Variants in DCHS1 observed in about 807,000 individuals in gnomAD.
The protein encoded by DCHS1 is protocadherin-16.
A neutral mutation model predicts 213.9 loss-of-function variants in DCHS1; 78 were observed. The observed-to-expected ratio is 0.36, with a 90% confidence interval of 0.30 to 0.44. DCHS1 has a LOEUF of 0.44. Ranked by LOEUF, DCHS1 falls within the 20% of genes least tolerant of loss-of-function variation. The pLI, the probability that DCHS1 is intolerant of heterozygous loss-of-function variation, is 1.00. For synonymous variants in DCHS1, 1,828 were observed against 1,873.7 expected (o/e 0.98, Z 0.63); for missense variants, 3,946 against 4,395.9 (o/e 0.90, Z 2.89).
chr11:6,626,296 C>T lies in DCHS1; in HGVS notation c.6449G>A (p.Gly2150Glu). 1 of 1,613,366 alleles carries T rather than the reference C, an allele frequency of 6.2e-7. No individual in the cohort carries two copies. The highest frequency in any genetic ancestry group is 1.1e-5 in the South Asian group (1 of 90,896). ...LRLVLQAESG[G>E]AFAFTVLTLT... is the part of the protein sequence containing the mutation. The stretch of plus-strand genomic sequence containing the variant: ...GGTCAGCACAGTGAAGGCAAAGGCT[C>T]CTCCACTCTCTGCCTGCAGCACCAG... Residue 2150 changes from glycine (G) to glutamate (E), a missense_variant, in exon 16 of 21, where the codon GGA becomes GAA. By Grantham distance (98) the Gly-to-Glu change is moderately conservative (BLOSUM62 -2). Coordinates refer to ENST00000299441, the MANE Select transcript of DCHS1 (RefSeq NM_003737.4). This position sits in a 1 kb window ranked among gnomAD's most constrained non-coding sequence, Gnocchi z 5.2.
chr11:6,634,355 G>C, intron 2 of DCHS1, 49 bp from the exon 3 acceptor site: 1 of 1,519,546 alleles, frequency 6.6e-7, no homozygotes, highest in South Asian at 1.3e-5. Context: ...TGCCAGAAAA[G>C]CCAGAGGTAG....
Position 6,651,912 on chromosome 11 carries a change from G to T in DCHS1, c.-121+3651C>A, listed in dbSNP as rs565134301. On this transcript the variant is annotated intron_variant, in intron 1 of 20. Coordinates refer to ENST00000299441, the MANE Select transcript of DCHS1 (RefSeq NM_003737.4). The stretch of plus-strand genomic sequence containing the variant: ...CTATACAGTAAAGAGCAGGCATGCA[G>T]CAGGTATGCAGAAATGTGGCCTAGA... Among the ~76,000 whole-genome samples the T allele has an allele frequency of 9.2e-5, 14 of 152,352 alleles. No individual in the cohort carries two copies. In the South Asian group the frequency reaches 2.9e-3, roughly 32 times the overall value.
In DCHS1 at chr11:6,621,793, C is replaced by T; in HGVS notation, c.9883G>A (p.Glu3295Lys). 1.9e-6 allele frequency: 3 copies of T among 1,589,470 alleles called. No individual in the cohort carries two copies. The highest frequency in any genetic ancestry group is 2.6e-6 in the Non-Finnish European group (3 of 1,168,492). ...CTGGGCCACAGCTAGATGTGCAGCT[C>T]CGTGTCATCAGGTGGCTCCAGGCCA... is the stretch of plus-strand genomic sequence containing the variant. ...ESGLEPPDDT[E>K]LHI Residue 3295 changes from glutamate to lysine, a missense_variant, in exon 21 of 21, where the codon GAG becomes AAG. Around this residue, in one of 3 missense-constraint regions of DCHS1, gnomAD observed 554 missense variants for 590.2 expected, o/e 0.94. Transcript: ENST00000299441.
rs1430318803 is a variant in DCHS1, at chr11:6,630,116, G to T, written c.4678C>A (p.Pro1560Thr). ...ACCACGTGCAGGGCCGCGGGCCCAG[G>T]CGGCTGGTCCTCTGGGAGGCGCACG... ...SRVRLPEDQPPGPAALHVVAR... is the reference protein window; with the variant it reads ...SRVRLPEDQPTGPAALHVVAR... Residue 1560 changes from proline to threonine, a missense_variant, in exon 10 of 21, where the codon CCT becomes ACT. By Grantham distance (38) the Pro-to-Thr change is conservative (BLOSUM62 -1). Around this residue, in one of 3 missense-constraint regions of DCHS1, gnomAD observed 3,384 missense variants for 3,780.1 expected, o/e 0.90. Coordinates refer to ENST00000299441, the MANE Select transcript of DCHS1 (RefSeq NM_003737.4). 2 of 1,604,384 alleles carry T rather than the reference G, an allele frequency of 1.2e-6. No homozygotes were observed. Among genetic ancestry groups the T allele is most frequent in the African/African-American group, 1.3e-5 (1 of 74,646 alleles).
In DCHS1 at chr11:6,623,345, G is replaced by A. The variant is rs375741388; in HGVS notation, c.8331C>T (p.His2777=). 8.8e-6 allele frequency: 14 copies of A among 1,596,314 alleles called. No individual in the cohort carries two copies. The South Asian group carries it at 1.6e-4, about 18-fold the overall frequency. Residue 2777 remains histidine (H), a synonymous_variant, in exon 21 of 21, where the codon CAC becomes CAT. Transcript: ENST00000299441. The part of the protein sequence containing the change: ...LRARVPFDYE[H]TESFRLLVGA... The stretch of plus-strand genomic sequence containing the variant: ...CCACCAGCAGCCGGAAGCTTTCTGT[G>A]TGCTCATAGTCAAAGGGCACTCGCG...
chr11:6,645,551 T>C (rs749600787), intron 1 of DCHS1, among the ~76,000 whole-genome samples: 1 of 152,244 alleles, frequency 6.6e-6, no homozygotes, highest in Non-Finnish European at 1.5e-5. Flanking sequence ...CATCTTTGTA[T>C]GTAGCATGGA....
In DCHS1 at chr11:6,631,152, A is replaced by G. The variant is rs746306266; in HGVS notation, c.3831T>C (p.Ala1277=). Residue 1277 remains alanine, a synonymous_variant, in exon 9 of 21, where the codon GCT becomes GCC. Coordinates refer to ENST00000299441, the MANE Select transcript of DCHS1 (RefSeq NM_003737.4). ...GGGGCCGCTCTGCTCGGATCAGGGG[A>G]GCTGCAGTGAGCAGCTCCCCTGAGT... ...HPHSGELLTA[A]PLIRAERPHY... The G allele has an allele frequency of 6.2e-7, 1 of 1,611,556 alleles. No homozygotes were observed. Among genetic ancestry groups the G allele is most frequent in the Non-Finnish European group, 8.5e-7 (1 of 1,178,552 alleles).
At chr11:6,644,793 C>A (rs1452627303) in intron 1 of DCHS1, among the ~76,000 whole-genome samples, 1 of 152,238 alleles carries the variant, frequency 6.6e-6, no homozygotes, top group East Asian at 1.9e-4. Context: ...ACAACACACA[C>A]AAACACATGT....
chr11:6,653,926 G>C (rs1444316692), intron 1 of DCHS1, among the ~76,000 whole-genome samples: 1 of 152,200 alleles, frequency 6.6e-6, no homozygotes, highest in Non-Finnish European at 1.5e-5. Context: ...TGTGGGTAGA[G>C]AGAGGAATGC....
Position 6,624,064 on chromosome 11 carries a change from C to G in DCHS1, c.7612G>C (p.Ala2538Pro). Residue 2538 changes from alanine (A) to proline (P), a missense_variant, in exon 21 of 21, where the codon GCT becomes CCT. Physicochemically the swap from Ala to Pro is conservative, Grantham distance 27. Coordinates refer to ENST00000299441, the MANE Select transcript of DCHS1 (RefSeq NM_003737.4). ...GGTCCAGCACTCTCCCCAGCCTCAG[C>G]CAGCCTGGGTTCCAGCTGGAAGACT... The part of the protein sequence containing the change: ...GRVFQLEPRL[A>P]EAGESAGPGP... 2 of 1,613,154 alleles carry G rather than the reference C, an allele frequency of 1.2e-6. No homozygotes were observed. The highest frequency in any genetic ancestry group is 1.7e-6 in the Non-Finnish European group (2 of 1,179,662).
rs1589952837 is a variant in DCHS1, at chr11:6,624,047, A to G, written c.7629T>C (p.Ser2543=). Reference sequence around the variant, plus strand: ...CCAGTGCCCGGGGGCCTGGTCCAGCACTCTCCCCAGCCTCAGCCAGCCTGG... The same window carrying G: ...CCAGTGCCCGGGGGCCTGGTCCAGCGCTCTCCCCAGCCTCAGCCAGCCTGG... ...LEPRLAEAGE[S]AGPGPRALGC... Residue 2543 remains serine (S), a synonymous_variant, in exon 21 of 21, where the codon AGT becomes AGC. Coordinates refer to ENST00000299441, the MANE Select transcript of DCHS1 (RefSeq NM_003737.4). 1 of 1,612,918 alleles carries G rather than the reference A, an allele frequency of 6.2e-7. No homozygotes were observed. The highest frequency in any genetic ancestry group is 1.3e-5 in the African/African-American group (1 of 74,820).
chr11:6,626,819 C>T lies in DCHS1; in HGVS notation c.6220G>A (p.Glu2074Lys), dbSNP rs746676860. The T allele has an allele frequency of 5.0e-6, 8 of 1,613,036 alleles. No individual in the cohort carries two copies. In the East Asian group the frequency reaches 1.8e-4, roughly 36 times the overall value. ...GGCGCATTCTCACGAATCGTAGCCT[C>T]ACTGCTAGCCCGGGGAAAGCGGGGT... ...RGPRFPRASS[E>K]ATIRENAPPG... is the part of the protein sequence containing the mutation. Residue 2074 changes from glutamate (E) to lysine (K), a missense_variant, in exon 14 of 21, where the codon GAG becomes AAG. By Grantham distance (56) the Glu-to-Lys change is moderately conservative. Coordinates refer to ENST00000299441, the MANE Select transcript of DCHS1 (RefSeq NM_003737.4). This position sits in a 1 kb window ranked among gnomAD's most constrained non-coding sequence, Gnocchi z 5.2.
chr11:6,630,398 G>A lies in DCHS1; in HGVS notation c.4396C>T (p.Pro1466Ser). 7.1e-7 allele frequency: 1 copy of A among 1,417,894 alleles called. No homozygotes were observed. Among genetic ancestry groups the A allele is most frequent in the Admixed American group, 3.0e-5 (1 of 33,072 alleles). The allele number at this position is 1,417,894 out of a possible 1,614,324, so 87.8% of individuals were successfully genotyped here. A position where few individuals can be genotyped will look rare whatever the true frequency, so the allele number is the denominator to read the frequency against. Residue 1466 changes from proline (P) to serine (S), a missense_variant, in exon 10 of 21, where the codon CCC becomes TCC. Transcript: ENST00000299441. Reference sequence around the variant, plus strand: ...TAGCGCACGTCGCTATTGGGGCCGGGGCCGTCGGCGTCCGACGCGCGGAAA... The same window carrying A: ...TAGCGCACGTCGCTATTGGGGCCGGAGCCGTCGGCGTCCGACGCGCGGAAA... ...YTFRASDADG[P>S]GPNSDVRYRL...
In DCHS1 at chr11:6,627,508, G is replaced by A. The variant is rs372538058; in HGVS notation, c.5531C>T (p.Thr1844Ile). ...ALSATLLLTV[T>I]VLDANDHAPA... Reference sequence around the variant, plus strand: ...AGCATGGTCATTGGCATCCAGCACTGTCACTGTCAAAAGCAGCGTGGCACT... The same window carrying A: ...AGCATGGTCATTGGCATCCAGCACTATCACTGTCAAAAGCAGCGTGGCACT... Residue 1844 changes from threonine (T) to isoleucine (I), a missense_variant, in exon 14 of 21, where the codon ACA becomes ATA. Coordinates refer to ENST00000299441, the MANE Select transcript of DCHS1 (RefSeq NM_003737.4). This position sits in a 1 kb window ranked among gnomAD's most constrained non-coding sequence, Gnocchi z 5.4. 13 of 1,612,150 alleles carry A rather than the reference G, an allele frequency of 8.1e-6. No individual in the cohort carries two copies. In the African/African-American group the frequency reaches 1.6e-4, roughly 20 times the overall value.
chr11:6,637,453 A>T (rs1347791057), intron 2 of DCHS1, among the ~76,000 whole-genome samples: 1 of 152,138 alleles, frequency 6.6e-6, no homozygotes, highest in Non-Finnish European at 1.5e-5. Flanking sequence ...GCATAAACAA[A>T]TCTGATAATA....
Position 6,632,705 on chromosome 11 carries a change from C to G in DCHS1, c.2807G>C (p.Gly936Ala), listed in dbSNP as rs1402530467. 1 of 1,593,746 alleles carries G rather than the reference C, an allele frequency of 6.3e-7. No homozygotes were observed. Among genetic ancestry groups the G allele is most frequent in the South Asian group, 1.1e-5 (1 of 88,268 alleles). Residue 936 changes from glycine to alanine, a missense_variant, in exon 6 of 21, where the codon GGG (glycine) becomes GCG (alanine). Gly to Ala is a moderately conservative substitution (Grantham distance 60). This residue lies in a region of DCHS1 where 3,384 missense variants were observed against 3,780.1 expected (regional missense o/e 0.90). Transcript: ENST00000299441. This position sits in a 1 kb window ranked among gnomAD's most constrained non-coding sequence, Gnocchi z 5.9. ...NSRVTFTLLA[G>A]GGGAFTVDPT... ...GTCCACGGTGAAGGCTCCACCACCC[C>G]CAGCAAGCAGGGTAAAGGTGACTCG...
rs753181516 is a variant in DCHS1, at chr11:6,621,885, C to T, written c.9791G>A (p.Arg3264His). ...CCCAAATGGTGAGACAACGGGTGAGCGAGCAGCCAGAGGAGACAGAGAGGG... is the reference window on the plus strand; with the variant it reads ...CCCAAATGGTGAGACAACGGGTGAGTGAGCAGCCAGAGGAGACAGAGAGGG... ...FSPSLSPLAA[R>H]SPVVSPFGVA... The change falls in exon 21 of 21, where the codon CGC becomes CAC. Residue 3264 changes from arginine (R) to histidine (H), a missense_variant. By Grantham distance (29) the Arg-to-His change is conservative (BLOSUM62 0). Transcript: ENST00000299441. The T allele has an allele frequency of 1.5e-5, 24 of 1,612,014 alleles. No individual in the cohort carries two copies. Among genetic ancestry groups the T allele is most frequent in the East Asian group, 8.9e-5 (4 of 44,868 alleles).
rs745987946 is a variant in DCHS1 at position 6,631,093 on chromosome 11, C to T, written c.3890G>A (p.Gly1297Asp). ...YVLTLSAHDQ[G>D]SPPRSASLQL... ...GAGGCTGGCACTTCGAGGAGGGCTG[C>T]CTTGGTCATGAGCACTCAGTGTCAG... is the stretch of plus-strand genomic sequence containing the variant. The change falls in exon 9 of 21, where the codon GGC (glycine) becomes GAC (aspartate). Residue 1297 changes from glycine to aspartate, a missense_variant. Gly to Asp is a moderately conservative substitution (Grantham distance 94). Coordinates refer to ENST00000299441, the MANE Select transcript of DCHS1 (RefSeq NM_003737.4). 3 of 1,612,984 alleles carry T rather than the reference C, an allele frequency of 1.9e-6. No homozygotes were observed. The highest frequency in any genetic ancestry group is 2.5e-6 in the Non-Finnish European group (3 of 1,179,216).
rs963037578 is a variant in DCHS1, at chr11:6,630,206, C to T, written c.4588G>A (p.Val1530Ile). 7.6e-6 allele frequency: 12 copies of T among 1,576,872 alleles called. No homozygotes were observed. In the African/African-American group the frequency reaches 1.6e-4, roughly 21 times the overall value. Residue 1530 changes from valine (V) to isoleucine (I), a missense_variant, in exon 10 of 21, where the codon GTT becomes ATT. Val to Ile is a conservative substitution (Grantham distance 29). Transcript: ENST00000299441. Reference protein sequence around the residue: ...ANASRRRAARVSARVFVTDEN... With the variant: ...ANASRRRAARISARVFVTDEN... ...TCCGTGACGAAGACGCGCGCTGAAA[C>T]GCGCGCTGCACGACGGCGGCTGGCG...
Sources: gnomAD v4.1 joint callset for allele counts (sites outside exome capture counted in the v4.1 genomes callset) on GRCh38, gnomAD v4.1.1 for gene constraint, gnomAD v4.1.1 regional missense constraint, Gnocchi (gnomAD v3.1) non-coding constraint, MANE v1.5 for transcripts, NCBI Gene and HGNC (gene_info 2026-07-23, HGNC 2026-07-21) for gene names.